The following ZFP1 variants were observed in gnomAD, a reference collection of about 807,000 sequenced individuals.
The protein encoded by ZFP1 is zinc finger protein 1 homolog.
ZFP1 carries 32 observed loss-of-function variants against 38.5 expected under a neutral mutation model. The observed-to-expected ratio is 0.83, with a 90% CI of 0.63 to 1.12. ZFP1 has a LOEUF of 1.12. Ranked by LOEUF, ZFP1 falls within the 50% of genes most tolerant of loss-of-function variation. The pLI is 0.00. For missense variants in ZFP1, 616 were observed against 480.8 expected (o/e 1.28, Z -2.63); for synonymous variants, 245 against 168.8 (o/e 1.45, Z -3.50).
the ZFP1 span, among the ~76,000 whole-genome samples, chr16:75,139,566 T>A: frequency 1.3e-5 from 2 of 151,622 alleles, no homozygotes; most frequent in African/African-American, 4.8e-5. Flanking sequence ...GTGGCGCACA[T>A]GTGTGGTCCG....
chr16:75,156,303 A>T (rs542699129), intron 2 of ZFP1, among the ~76,000 whole-genome samples: 1 of 152,080 alleles, frequency 6.6e-6, no homozygotes, highest in Non-Finnish European at 1.5e-5. Flanking sequence ...AAAATACAAA[A>T]AAAATTAGCC....
the ZFP1 span, among the ~76,000 whole-genome samples, chr16:75,130,210 C>T: frequency 6.6e-5 from 10 of 151,890 alleles, no homozygotes; most frequent in African/African-American, 2.2e-4. Context: ...CATGTTGGCC[C>T]GACTGGTCTC....
chr16:75,165,451 G>T (rs1051650062), intron 2 of ZFP1, among the ~76,000 whole-genome samples: 1 of 152,036 alleles, frequency 6.6e-6, no homozygotes, highest in Non-Finnish European at 1.5e-5. Flanking sequence ...CTCAAGTGCA[G>T]TGGGGCAGTC....
At chr16:75,164,954 C>T (rs188784683) in intron 2 of ZFP1, among the ~76,000 whole-genome samples, 14 of 152,174 alleles carry the variant, frequency 9.2e-5, no homozygotes, top group Middle Eastern at 3.4e-3. Context: ...TACAGGCATG[C>T]ACTACTATGC....
chr16:75,167,700 A>G (rs2038173314), intron 3 of ZFP1, among the ~76,000 whole-genome samples: 2 of 152,254 alleles, frequency 1.3e-5, no homozygotes, highest in Admixed American at 1.3e-4. Flanking sequence ...CCTGAGCTCA[A>G]GTAGTCTTCC....
chr16:75,154,223 CAAAA>C (rs35006692), intron 2 of ZFP1, among the ~76,000 whole-genome samples: 1 of 148,338 alleles, frequency 6.7e-6, no homozygotes, highest in Admixed American at 6.7e-5. Context: ...GACTTTGTCT[CAAAA>C]AAAAAAAAAG....
At chr16:75,121,973 G>A in the ZFP1 span, among the ~76,000 whole-genome samples, 1 of 152,262 alleles carries the variant, frequency 6.6e-6, no homozygotes, top group Admixed American at 6.5e-5. Flanking sequence ...TTTCTCATAG[G>A]GGTTACAAAA....
chr16:75,149,208 C>T (rs796584194), intron 1 of ZFP1: 5 of 152,222 alleles, frequency 3.3e-5, no homozygotes, highest in African/African-American at 1.2e-4. Flanking sequence ...CCCAGGAACA[C>T]GGGAGGTTCA....
the ZFP1 span, among the ~76,000 whole-genome samples, chr16:75,123,209 C>G: frequency 1.5e-3 from 226 of 151,398 alleles, no homozygotes; most frequent in Non-Finnish European, 2.4e-3. Flanking sequence ...CAAAAATTAG[C>G]TGGGCACAGT....
intron 1 of ZFP1, chr16:75,149,232 A>T (rs2037056046): frequency 6.6e-6 from 1 of 152,132 alleles, no homozygotes; most frequent in South Asian, 2.1e-4. Flanking sequence ...GGGGAAAGTG[A>T]TTTCCCTAAG....
upstream of ZFP1, chr16:75,144,328 A>G (rs975935081): frequency 2.0e-5 from 3 of 152,212 alleles, no homozygotes; most frequent in Admixed American, 6.5e-5. Flanking sequence ...TTGTGTGATC[A>G]GTATTATTTC....
chr16:75,165,888 A>G (rs1020851885), intron 2 of ZFP1, among the ~76,000 whole-genome samples: 6 of 152,120 alleles, frequency 3.9e-5, no homozygotes, highest in African/African-American at 1.2e-4. Context: ...CTTGTCCCAC[A>G]TATCTTTTAG....
rs781458982 is a variant in ZFP1, at chr16:75,166,847, C to G, written c.93C>G (p.Ile31Met). The G allele has an allele frequency of 9.3e-6, 15 of 1,614,022 alleles. No individual in the cohort carries two copies. Among genetic ancestry groups the G allele is most frequent in the Non-Finnish European group, 1.3e-5 (15 of 1,180,030 alleles). The change falls in exon 3 of 4, where the codon ATC becomes ATG. Residue 31 changes from isoleucine (I) to methionine (M), a missense_variant. By Grantham distance (10) the Ile-to-Met change is conservative. Coordinates refer to ENST00000570010, the MANE Select transcript of ZFP1 (RefSeq NM_153688.4). ...AACAACTGGACCCCTCTCAGAGGAT[C>G]CTATACATGGATGTGATGCTGGAGA... ...EWEQLDPSQR[I>M]LYMDVMLENY... is the part of the protein sequence containing the mutation.
chr16:75,122,592 A>G, the ZFP1 span, among the ~76,000 whole-genome samples: 3 of 152,274 alleles, frequency 2.0e-5, no homozygotes, highest in Admixed American at 1.3e-4. Context: ...GGAGTTCACT[A>G]TATTTAACAA....
upstream of ZFP1, among the ~76,000 whole-genome samples, chr16:75,145,897 C>G (rs2036937707): frequency 6.6e-6 from 1 of 152,212 alleles, no homozygotes; most frequent in South Asian, 2.1e-4. Context: ...TCACTCTCCA[C>G]TGAGCTGGTT....
intron 3 of ZFP1, 37 bp downstream of exon 3, chr16:75,166,933 T>C: frequency 6.3e-7 from 1 of 1,593,032 alleles, no homozygotes; most frequent in Non-Finnish European, 8.6e-7. Flanking sequence ...ACCATGTGCC[T>C]AGAGGTATTT....
chr16:75,166,349 C>T (rs577644410), intron 2 of ZFP1, among the ~76,000 whole-genome samples: 11 of 152,302 alleles, frequency 7.2e-5, no homozygotes, highest in African/African-American at 2.4e-4. Context: ...TCTCCTGTCT[C>T]AGCTCCCCCA....
At position 75,170,614 on chromosome 16, in the gene ZFP1, A is replaced by ATT. The variant is rs2038373488; in HGVS notation, c.*280_*281insTT. On this transcript the variant is annotated 3_prime_UTR_variant, in exon 4 of 4. Coordinates refer to ENST00000570010, the MANE Select transcript of ZFP1 (RefSeq NM_153688.4). ...ATCTTGAATGAATTGAGTATTCTAG[A>ATT]CAGCAGCATAAGAAATATACAAACA... is the stretch of plus-strand genomic sequence containing the variant. 9.4e-6 allele frequency: 3 copies of ATT among 320,156 alleles called. No homozygotes were observed. The highest frequency in any genetic ancestry group is 2.1e-5 in the African/African-American group (1 of 47,226). 19.8% of individuals were successfully genotyped at this position (320,156 alleles called of 1,614,324 possible).
At chr16:75,119,073 A>G in the ZFP1 span, among the ~76,000 whole-genome samples, 6 of 152,330 alleles carry the variant, frequency 3.9e-5, no homozygotes, top group East Asian at 1.2e-3. Flanking sequence ...GTATAAAACT[A>G]AATTGTGCTC....
Sources: allele counts gnomAD v4.1 joint callset (sites outside exome capture counted in the v4.1 genomes callset), GRCh38; gene constraint gnomAD v4.1.1; transcripts MANE v1.5; gene names NCBI Gene and HGNC (gene_info 2026-07-23, HGNC 2026-07-21).